The following CNTN4 variants were observed in gnomAD, a reference collection of about 807,000 sequenced individuals.
CNTN4 encodes the protein contactin-4.
Under a neutral mutation model 122.5 loss-of-function variants are expected in CNTN4, and 77 were observed. That is an observed-to-expected ratio of 0.63 (90% CI 0.52 to 0.76). The LOEUF is 0.76. Among genes scored for constraint, CNTN4 ranks in the 30% least tolerant of loss-of-function variants. The pLI, the probability that CNTN4 is intolerant of heterozygous loss-of-function variation, is 0.00. For missense variants in CNTN4, 1,256 were observed against 1,259.1 expected, an observed-to-expected ratio of 1.00 and a Z score of 0.04; for synonymous variants, 512 against 447.0, an observed-to-expected ratio of 1.15 and a Z score of -1.83.
chr3:3,051,161 T>G (rs1003769987), intron 23 of CNTN4, among the ~76,000 whole-genome samples: 1 of 152,218 alleles, frequency 6.6e-6, no homozygotes, highest in African/African-American at 2.4e-5. Context: ...GCCAAAAGAT[T>G]GGACACCCCT....
At chr3:2,424,295 T>A (rs2047731919) in intron 3 of CNTN4, among the ~76,000 whole-genome samples, 1 of 143,740 alleles carries the variant, frequency 7.0e-6, no homozygotes, top group African/African-American at 2.5e-5. Flanking sequence ...AATTCCCACC[T>A]ATGAGTGAGA....
At chr3:2,354,718 GA>G (rs534888762) in intron 3 of CNTN4, among the ~76,000 whole-genome samples, 1,654 of 149,776 alleles carry the variant, frequency 0.011, 17 homozygotes, top group African/African-American at 0.015. Flanking sequence ...TGGTATTGCA[GA>G]AAAAAAAAAT....
At chr3:2,266,693 A>T (rs1023237562) in intron 2 of CNTN4, among the ~76,000 whole-genome samples, 1 of 152,064 alleles carries the variant, frequency 6.6e-6, no homozygotes, top group African/African-American at 2.4e-5. Flanking sequence ...ATGCAAACCA[A>T]TTCATTGGTA....
At chr3:2,916,596 A>G (rs1410415516) in intron 12 of CNTN4, among the ~76,000 whole-genome samples, 1 of 124,958 alleles carries the variant, frequency 8.0e-6, no homozygotes, top group Non-Finnish European at 1.7e-5. Context: ...TCCCATGTCT[A>G]CTTCTTTCTA....
intron 4 of CNTN4, among the ~76,000 whole-genome samples, chr3:2,599,474 T>A (rs2080927417): frequency 1.3e-5 from 2 of 152,192 alleles, no homozygotes; most frequent in South Asian, 4.1e-4. Flanking sequence ...ATTCTTTTTG[T>A]TTGCTTAAAC....
chr3:2,501,679 C>T (rs764982671), intron 3 of CNTN4, among the ~76,000 whole-genome samples: 17 of 152,224 alleles, frequency 1.1e-4, no homozygotes, highest in Middle Eastern at 3.4e-3. Flanking sequence ...CATAAGGACC[C>T]CTGTGATTAT....
chr3:2,750,243 C>T (rs184104749), intron 6 of CNTN4, among the ~76,000 whole-genome samples: 1 of 152,244 alleles, frequency 6.6e-6, no homozygotes, highest in African/African-American at 2.4e-5. Flanking sequence ...AGAAAAACAA[C>T]CTTCACTTTA....
chr3:2,205,497 A>G (rs970113863), intron 2 of CNTN4, among the ~76,000 whole-genome samples: 2 of 152,024 alleles, frequency 1.3e-5, no homozygotes, highest in African/African-American at 4.8e-5. Context: ...CATGAACTGT[A>G]GGGACTTCTG....
In CNTN4 at chr3:2,217,915, A is replaced by G. The variant is rs116597311; in HGVS notation, c.-145+117276A>G. Among the ~76,000 whole-genome samples, 1,231 of 152,296 alleles carry G rather than the reference A, an allele frequency of 8.1e-3. 13 individuals are homozygous for G. Among genetic ancestry groups the G allele is most frequent in the African/African-American group, 0.028 (1,161 of 41,546 alleles). The stretch of plus-strand genomic sequence containing the variant: ...TAAAAAGAGAGTGATAAATAAATCA[A>G]ACGTAGATCTACCACTTAGGGAGTT... On this transcript the variant is annotated intron_variant, in intron 2 of 24. Transcript: ENST00000418658.
At chr3:2,829,540 T>G (rs897133028) in intron 7 of CNTN4, among the ~76,000 whole-genome samples, 1 of 152,218 alleles carries the variant, frequency 6.6e-6, no homozygotes, top group African/African-American at 2.4e-5. Flanking sequence ...CTACCAGATA[T>G]GACAAGAAGA....
At chr3:3,042,511 A>C in intron 21 of CNTN4, 89 bp downstream of exon 21, 2 of 843,864 alleles carry the variant, frequency 2.4e-6, no homozygotes, top group Middle Eastern at 2.2e-4. Flanking sequence ...GAAGAGACCC[A>C]CATTCCCACT....
Position 2,175,669 on chromosome 3 carries a change from G to A in CNTN4, c.-145+75030G>A, listed in dbSNP as rs373516238. On this transcript the variant is annotated intron_variant, in intron 2 of 24. Coordinates refer to ENST00000418658, the MANE Select transcript of CNTN4 (RefSeq NM_175607.3). The stretch of plus-strand genomic sequence containing the variant: ...CAGATGACTTAATCTCTCTAACCAT[G>A]ATGTAATGAACCAGAGGTGGGTCCC... Among the ~76,000 whole-genome samples the A allele has an allele frequency of 2.6e-4, 39 of 152,204 alleles. No individual in the cohort carries two copies. In the South Asian group the frequency reaches 7.9e-3, roughly 31 times the overall value.
intron 12 of CNTN4, among the ~76,000 whole-genome samples, chr3:2,916,951 G>A (rs541328147): frequency 6.3e-4 from 90 of 143,628 alleles, no homozygotes; most frequent in Non-Finnish European, 1.1e-3. Context: ...CAAGGCAGGC[G>A]GCTGGGAGGT....
intron 13 of CNTN4, among the ~76,000 whole-genome samples, chr3:2,987,596 C>G (rs1694693803): frequency 6.6e-6 from 1 of 152,216 alleles, no homozygotes; most frequent in South Asian, 2.1e-4. Context: ...GCCTCTAAGC[C>G]AAGCTGTGTG....
At chr3:2,641,561 CTTAT>C (rs2082896070) in intron 4 of CNTN4, among the ~76,000 whole-genome samples, 1 of 152,150 alleles carries the variant, frequency 6.6e-6, no homozygotes, top group Non-Finnish European at 1.5e-5. Context: ...CATTTTCTGT[CTTAT>C]TGTCAACTGC....
At chr3:2,491,952 G>A (rs1007820415) in intron 3 of CNTN4, among the ~76,000 whole-genome samples, 4 of 151,948 alleles carry the variant, frequency 2.6e-5, no homozygotes, top group African/African-American at 7.2e-5. Context: ...AACTTTTTAG[G>A]CAATGATTAT....
At chr3:2,232,524 G>C (rs1029600710) in intron 2 of CNTN4, among the ~76,000 whole-genome samples, 3 of 151,750 alleles carry the variant, frequency 2.0e-5, no homozygotes, top group Non-Finnish European at 4.4e-5. Context: ...ACCCTATTTT[G>C]GTAGCTATTC....
intron 10 of CNTN4, among the ~76,000 whole-genome samples, chr3:2,896,952 T>C (rs11914621): frequency 0.3 from 43,103 of 145,442 alleles, 7,573 homozygotes; most frequent in African/African-American, 0.48. Flanking sequence ...TTTTTTTTGC[T>C]ATCACATCCT....
intron 11 of CNTN4, among the ~76,000 whole-genome samples, 185 bp downstream of exon 11, chr3:2,901,006 A>T (rs925337544): frequency 6.6e-6 from 1 of 152,264 alleles, no homozygotes; most frequent in African/African-American, 2.4e-5. Flanking sequence ...CCAGTTCTCC[A>T]GCTTTCAATT....
Sources: gnomAD v4.1 joint callset for allele counts (sites outside exome capture counted in the v4.1 genomes callset) on GRCh38, gnomAD v4.1.1 for gene constraint, MANE v1.5 for transcripts, NCBI Gene and HGNC (gene_info 2026-07-23, HGNC 2026-07-21) for gene names.